RALA: variants seen among roughly 807,000 people sequenced by gnomAD.
The protein encoded by RALA is ras-related protein Ral-A.
RALA carries 5 observed loss-of-function variants against 24.0 expected under a neutral mutation model. That is an observed-to-expected ratio of 0.21 (90% CI 0.11 to 0.44). The LOEUF (loss-of-function observed/expected upper bound fraction) is 0.44. Among genes scored for constraint, RALA ranks in the 20% least tolerant of loss-of-function variants. The pLI, the probability that RALA is intolerant of heterozygous loss-of-function variation, is 0.99. For missense variants in RALA, 95 were observed against 241.2 expected (o/e 0.39, Z 4.01); for synonymous variants, 77 against 83.8 (o/e 0.92, Z 0.44).
At chr7:39,666,420 A>T (rs1237381992) in intron 1 of RALA, among the ~76,000 whole-genome samples, 1 of 152,204 alleles carries the variant, frequency 6.6e-6, no homozygotes, top group Non-Finnish European at 1.5e-5. Context: ...ATTCAAGATC[A>T]CCTGTGGAAG....
In RALA at chr7:39,699,122, T is replaced by C. The variant is rs868572114; in HGVS notation, c.498+2263T>C. On this transcript the variant is annotated intron_variant, in intron 4 of 4. Coordinates refer to ENST00000005257, the MANE Select transcript of RALA (RefSeq NM_005402.4). Reference sequence around the variant, plus strand: ...AGCAATTTAAGTGCTAAAAATGTTATTTTTTTTTTTTTTTTTTTTTTTTTT... The same window carrying C: ...AGCAATTTAAGTGCTAAAAATGTTACTTTTTTTTTTTTTTTTTTTTTTTTT... Among the ~76,000 whole-genome samples the C allele has an allele frequency of 5.5e-3, 339 of 61,918 alleles. 1 individual carries two copies. Among genetic ancestry groups the C allele is most frequent in the African/African-American group, 0.031 (322 of 10,384 alleles). The allele number at this position is 61,918 out of a possible 152,430, so 40.6% of individuals were successfully genotyped here. A position where few individuals can be genotyped will look rare whatever the true frequency, so the allele number is the denominator to read the frequency against.
chr7:39,658,846 T>G (rs903715683), intron 1 of RALA, among the ~76,000 whole-genome samples: 1 of 151,922 alleles, frequency 6.6e-6, no homozygotes, highest in Non-Finnish European at 1.5e-5. Context: ...GCCTCCTGAG[T>G]AGCTGGAACT....
chr7:39,648,147 G>T (rs1426525017), intron 1 of RALA, among the ~76,000 whole-genome samples: 1 of 152,108 alleles, frequency 6.6e-6, no homozygotes, highest in Non-Finnish European at 1.5e-5. Flanking sequence ...TTGGAATTTT[G>T]TAGGTTTTAC....
chr7:39,643,584 G>A (rs1791859034), intron 1 of RALA, among the ~76,000 whole-genome samples: 1 of 151,814 alleles, frequency 6.6e-6, no homozygotes, highest in Admixed American at 6.6e-5. Context: ...AGCCAGGCGT[G>A]GTGGCTTACG....
chr7:39,645,084 G>A (rs1329039529), intron 1 of RALA, among the ~76,000 whole-genome samples: 3 of 152,156 alleles, frequency 2.0e-5, no homozygotes, highest in East Asian at 3.8e-4. Context: ...TTTCCTAGAC[G>A]TTAAAAGTGT....
rs1250858706 is a variant in RALA at position 39,637,709 on chromosome 7, T to C, written c.-38+13884T>C. Among the ~76,000 whole-genome samples, 9 of 152,250 alleles carry C rather than the reference T, an allele frequency of 5.9e-5. No individual in the cohort carries two copies. The South Asian group carries it at 1.9e-3, about 31-fold the overall frequency. On this transcript the variant is annotated intron_variant, in intron 1 of 4. Transcript: ENST00000005257. ...TTGGTTAGGTTTCAAATGAGAGTGC[T>C]ATTTCCTCCCAGCTTTTTGTTTTGA...
chr7:39,651,081 A>G (rs1792010965), intron 1 of RALA, among the ~76,000 whole-genome samples: 1 of 152,190 alleles, frequency 6.6e-6, no homozygotes, highest in Admixed American at 6.5e-5. Flanking sequence ...TCAGCTTTAC[A>G]ATGGTGTACC....
chr7:39,641,948 A>T (rs1157014030), intron 1 of RALA, among the ~76,000 whole-genome samples: 2 of 152,204 alleles, frequency 1.3e-5, no homozygotes, highest in East Asian at 3.8e-4. Flanking sequence ...TTATTTTAAT[A>T]TGAAAATTAA....
chr7:39,650,597 G>A (rs753441840), intron 1 of RALA, among the ~76,000 whole-genome samples: 6 of 152,000 alleles, frequency 3.9e-5, no homozygotes, highest in Non-Finnish European at 7.4e-5. Flanking sequence ...TTGCAGTCTC[G>A]GTGCTTTTTC....
intron 1 of RALA, among the ~76,000 whole-genome samples, chr7:39,659,295 A>G (rs1792145812): frequency 6.6e-6 from 1 of 152,224 alleles, no homozygotes; most frequent in Non-Finnish European, 1.5e-5. Flanking sequence ...AAAATAAAAA[A>G]TAAATATGAT....
At chr7:39,647,373 C>T (rs1330183004) in intron 1 of RALA, among the ~76,000 whole-genome samples, 1 of 152,168 alleles carries the variant, frequency 6.6e-6, no homozygotes, top group East Asian at 1.9e-4. Flanking sequence ...ATCCACATAG[C>T]TTCTCCGCTC....
At chr7:39,695,160 A>G (rs1792896035) in intron 3 of RALA, among the ~76,000 whole-genome samples, 2 of 152,024 alleles carry the variant, frequency 1.3e-5, no homozygotes, top group South Asian at 2.1e-4. Context: ...ATTCTAAAAT[A>G]TAGTCGTCCC....
chr7:39,690,912 T>C (rs1170714518), intron 3 of RALA, among the ~76,000 whole-genome samples: 2 of 152,236 alleles, frequency 1.3e-5, no homozygotes, highest in African/African-American at 4.8e-5. Context: ...CAGTTCATAC[T>C]TAGAGCACAT....
intron 1 of RALA, among the ~76,000 whole-genome samples, chr7:39,665,879 A>G (rs897494245): frequency 2.0e-5 from 3 of 152,050 alleles, no homozygotes; most frequent in African/African-American, 7.2e-5. Context: ...CTTCACATCA[A>G]TAGTGTGTCC....
At chr7:39,626,879 T>A (rs527819317) in intron 1 of RALA, among the ~76,000 whole-genome samples, 1 of 152,284 alleles carries the variant, frequency 6.6e-6, no homozygotes, top group East Asian at 1.9e-4. Flanking sequence ...ATGTGCTTGG[T>A]CTGTTTTTAA....
chr7:39,648,402 A>G (rs754153471), intron 1 of RALA, among the ~76,000 whole-genome samples: 2 of 151,286 alleles, frequency 1.3e-5, no homozygotes, highest in African/African-American at 4.9e-5. Context: ...TAAGTTTTCC[A>G]TCAACTTAAT....
Position 39,662,053 on chromosome 7 carries a change from A to T in RALA, c.-37-24578A>T, listed in dbSNP as rs561772392. Among the ~76,000 whole-genome samples, 40 of 152,222 alleles carry T rather than the reference A, an allele frequency of 2.6e-4. No homozygotes were observed. In the South Asian group the frequency reaches 2.7e-3, roughly 10 times the overall value. On this transcript the variant is annotated intron_variant, in intron 1 of 4. Coordinates refer to ENST00000005257, the MANE Select transcript of RALA (RefSeq NM_005402.4). ...TTGCACCTTCTGAAACCACAACCCGACCTGTACCCTGGCCCCTTTTAGTCA... is the reference window on the plus strand; with the variant it reads ...TTGCACCTTCTGAAACCACAACCCGTCCTGTACCCTGGCCCCTTTTAGTCA...
intron 1 of RALA, among the ~76,000 whole-genome samples, chr7:39,647,992 C>A (rs759436470): frequency 6.6e-6 from 1 of 152,176 alleles, no homozygotes; most frequent in Non-Finnish European, 1.5e-5. Context: ...GTGTCTGTTT[C>A]ATTTTGTTTC....
chr7:39,629,930 C>G (rs1791561792), intron 1 of RALA, among the ~76,000 whole-genome samples: 1 of 152,134 alleles, frequency 6.6e-6, no homozygotes, highest in African/African-American at 2.4e-5. Flanking sequence ...GGGGTTTCAC[C>G]ATGTTGGTCA....
Sources: allele counts gnomAD v4.1 joint callset (sites outside exome capture counted in the v4.1 genomes callset), GRCh38; gene constraint gnomAD v4.1.1; transcripts MANE v1.5; gene names NCBI Gene and HGNC (gene_info 2026-07-23, HGNC 2026-07-21).